The following CELF6 variants were observed in gnomAD, a reference collection of about 807,000 sequenced individuals.
CELF6 encodes Bruno -like 6, RNA binding protein.
A neutral mutation model predicts 53.1 loss-of-function variants in CELF6; 32 were observed. The ratio of observed to expected loss-of-function variants is 0.60; its 90% confidence interval spans 0.46 to 0.81. The LOEUF (loss-of-function observed/expected upper bound fraction) is 0.81. CELF6 is among the 30% of genes least tolerant of loss of function. The probability of loss-of-function intolerance (pLI) is 0.00; values close to 1 mark genes in which losing one functional copy is unlikely to be tolerated. For missense variants in CELF6, 539 were observed against 669.5 expected (o/e 0.81, Z 2.15); for synonymous variants, 291 against 288.8 (o/e 1.01, Z -0.08).
intron 1 of CELF6, among the ~76,000 whole-genome samples, chr15:72,317,783 T>C (rs570257435): frequency 6.6e-6 from 1 of 152,250 alleles, no homozygotes; most frequent in East Asian, 1.9e-4. Flanking sequence ...CCAACCCATA[T>C]CACCTGACGT....
Position 72,319,863 on chromosome 15 carries a change from C to T in CELF6, c.12G>A (p.Ala4=). The change falls in exon 1 of 13, where the codon GCG becomes GCA. Residue 4 remains alanine, a synonymous_variant. Coordinates refer to ENST00000287202, the MANE Select transcript of CELF6 (RefSeq NM_052840.5). This position sits in a 1 kb window ranked among gnomAD's most constrained non-coding sequence, Gnocchi z 5.0. ...CAGCGGGCTGCGCTGACCCTCCCGGCGCCGCGGCCATGTCCCCGCCCTGTC... is the reference window on the plus strand; with the variant it reads ...CAGCGGGCTGCGCTGACCCTCCCGGTGCCGCGGCCATGTCCCCGCCCTGTC... The part of the protein sequence containing the change: MAA[A]PGGSAQPAGP... The T allele has an allele frequency of 6.6e-7, 1 of 1,506,368 alleles. No homozygotes were observed. Among genetic ancestry groups the T allele is most frequent in the South Asian group, 1.3e-5 (1 of 78,068 alleles). 93.3% of individuals were successfully genotyped at this position (1,506,368 alleles called of 1,614,324 possible). A position where few individuals can be genotyped will look rare whatever the true frequency, so the allele number is the denominator to read the frequency against.
chr15:72,316,730 G>A (rs183743498), intron 1 of CELF6, among the ~76,000 whole-genome samples: 26 of 152,314 alleles, frequency 1.7e-4, no homozygotes, highest in Admixed American at 1.2e-3. Flanking sequence ...AGGAAGCACT[G>A]AAGCAGCACT....
intron 3 of CELF6, among the ~76,000 whole-genome samples, chr15:72,290,944 A>T (rs2087997795): frequency 6.6e-6 from 1 of 152,000 alleles, no homozygotes; most frequent in Non-Finnish European, 1.5e-5. Flanking sequence ...CATTTTTCCT[A>T]CTACAGTTGC....
chr15:72,309,550 G>C (rs2088270478), intron 2 of CELF6, among the ~76,000 whole-genome samples: 1 of 152,180 alleles, frequency 6.6e-6, no homozygotes, highest in African/African-American at 2.4e-5. Context: ...GAACCCAAGA[G>C]AGTAAGAACA....
intron 3 of CELF6, among the ~76,000 whole-genome samples, chr15:72,298,228 C>T (rs1462023625): frequency 6.6e-6 from 1 of 152,134 alleles, no homozygotes; most frequent in East Asian, 1.9e-4. Context: ...CTAGAAAGAA[C>T]TTGGAAAAGA....
chr15:72,304,116 C>T (rs2088193439), intron 3 of CELF6, among the ~76,000 whole-genome samples: 1 of 152,094 alleles, frequency 6.6e-6, no homozygotes, highest in Admixed American at 6.5e-5. Context: ...AATGATCCAC[C>T]CACCTCAGCC....
chr15:72,286,419 A>G (rs1228292552), intron 12 of CELF6, 77 bp from the exon 13 acceptor site: 4 of 152,680 alleles, frequency 2.6e-5, no homozygotes, highest in African/African-American at 9.6e-5. Context: ...AGACCAGAAG[A>G]GCAGCTTGCC....
intron 2 of CELF6, among the ~76,000 whole-genome samples, chr15:72,314,192 G>A (rs1049320482): frequency 6.6e-6 from 1 of 152,218 alleles, no homozygotes; most frequent in Non-Finnish European, 1.5e-5. Context: ...AGCTTGATTA[G>A]CTCTTGGCGA....
At position 72,319,788 on chromosome 15, in the gene CELF6, C is replaced by T; in HGVS notation, c.87G>A (p.Met29Ile). 1 of 1,566,982 alleles carries T rather than the reference C, an allele frequency of 6.4e-7. No homozygotes were observed. ...CGGCGGGACCGGGGTTTAGCCCGCT[C>T]ATGCCGACGCCGCTGTCCGCGGTGC... is the stretch of plus-strand genomic sequence containing the variant. Reference protein sequence around the residue: ...GFSTADSGVGMSGLNPGPAVP... With the variant: ...GFSTADSGVGISGLNPGPAVP... The change falls in exon 1 of 13, where the codon ATG becomes ATA. Residue 29 changes from methionine to isoleucine, a missense_variant. This residue lies in a region of CELF6 where 84 missense variants were observed against 87.9 expected (regional missense o/e 0.96). Coordinates refer to ENST00000287202, the MANE Select transcript of CELF6 (RefSeq NM_052840.5). The surrounding 1 kb of genome is among the most constrained non-coding windows in gnomAD (Gnocchi z 5.0).
rs570097414 is a variant in CELF6 at position 72,318,380 on chromosome 15, T to G, written c.262+1233A>C. Among the ~76,000 whole-genome samples the G allele has an allele frequency of 1.2e-4, 19 of 152,332 alleles. No homozygotes were observed. In the South Asian group the frequency reaches 3.9e-3, roughly 32 times the overall value. ...AGCTCTCAGTCCTTAGGAATGTACC[T>G]TTAGCTGTTACCCAAGGCCCACCAC... On this transcript the variant is annotated intron_variant, in intron 1 of 12. Coordinates refer to ENST00000287202, the MANE Select transcript of CELF6 (RefSeq NM_052840.5).
intron 2 of CELF6, chr15:72,313,684 C>G (rs1359994448): frequency 2.5e-5 from 21 of 849,312 alleles, no homozygotes; most frequent in Non-Finnish European, 3.0e-5. Flanking sequence ...TGTGTCTGCA[C>G]CTTTACCATG....
At chr15:72,307,759 C>G (rs893236235) in intron 2 of CELF6, among the ~76,000 whole-genome samples, 1 of 152,176 alleles carries the variant, frequency 6.6e-6, no homozygotes, top group Admixed American at 6.5e-5. Flanking sequence ...ACCAGGGCCT[C>G]GGGGGAGTGC....
In CELF6 at chr15:72,289,792, G is replaced by A. The variant is rs1243226242; in HGVS notation, c.604-22C>T. On this transcript the variant is annotated intron_variant, in intron 5 of 12. Transcript: ENST00000287202. This position sits in a 1 kb window ranked among gnomAD's most constrained non-coding sequence, Gnocchi z 7.6. ...CGCCCTGGGCAGGGCAGGGGAGGCC[G>A]TGGTGACCGGTCCTGACCCTGGCCC... is the stretch of plus-strand genomic sequence containing the variant. The A allele has an allele frequency of 6.9e-7, 1 of 1,450,844 alleles. No homozygotes were observed. Among genetic ancestry groups the A allele is most frequent in the Non-Finnish European group, 9.0e-7 (1 of 1,106,928 alleles). The allele number at this position is 1,450,844 out of a possible 1,614,324, so 89.9% of individuals were successfully genotyped here.
At chr15:72,297,417 A>T (rs1205488858) in intron 3 of CELF6, among the ~76,000 whole-genome samples, 1 of 152,226 alleles carries the variant, frequency 6.6e-6, no homozygotes, top group Non-Finnish European at 1.5e-5. Flanking sequence ...TGTGCCTGGG[A>T]AAACAAGATC....
chr15:72,303,834 A>C (rs1345818937), intron 3 of CELF6, among the ~76,000 whole-genome samples: 2 of 152,036 alleles, frequency 1.3e-5, no homozygotes, highest in African/African-American at 4.8e-5. Context: ...CAGGCTCTCT[A>C]ACCGTCCTAT....
chr15:72,302,952 C>T (rs1334936035), intron 3 of CELF6, among the ~76,000 whole-genome samples: 1 of 152,240 alleles, frequency 6.6e-6, no homozygotes, highest in Non-Finnish European at 1.5e-5. Context: ...AGTGATCACA[C>T]TGAATTGTGT....
At position 72,288,640 on chromosome 15, in the gene CELF6, G is replaced by T; in HGVS notation, c.1094-22C>A. ...GCTGCTGGAGACAGAGGTGGGAGTGGACAGTGATCCCCAGGAGCCCTTCCC... is the reference window on the plus strand; with the variant it reads ...GCTGCTGGAGACAGAGGTGGGAGTGTACAGTGATCCCCAGGAGCCCTTCCC... On this transcript the variant is annotated intron_variant, in intron 9 of 12. Transcript: ENST00000287202. The surrounding 1 kb of genome is among the most constrained non-coding windows in gnomAD (Gnocchi z 4.6). 1 of 1,551,296 alleles carries T rather than the reference G, an allele frequency of 6.4e-7. No individual in the cohort carries two copies. The highest frequency in any genetic ancestry group is 8.7e-7 in the Non-Finnish European group (1 of 1,148,046).
At chr15:72,313,221 TTATTAACTA>T (rs1473527303) in intron 2 of CELF6, among the ~76,000 whole-genome samples, 10 of 152,220 alleles carry the variant, frequency 6.6e-5, no homozygotes, top group Non-Finnish European at 1.5e-4. Flanking sequence ...GATCTTCCCA[TTATTAACTA>T]TATGACCTTG....
rs895344395 is a variant in CELF6 at position 72,320,107 on chromosome 15, G to A, written c.-233C>T. ...GGCCGAGGTGGCGGCTGAACGCTGG[G>A]GTCTGGCTTGAGGTCCCCGTGCGGC... On this transcript the variant is annotated 5_prime_UTR_variant, in exon 1 of 13. Transcript: ENST00000287202. 55 of 651,918 alleles carry A rather than the reference G, an allele frequency of 8.4e-5. No homozygotes were observed. The highest frequency in any genetic ancestry group is 3.5e-4 in the Admixed American group (17 of 48,194). 40.4% of individuals were successfully genotyped at this position (651,918 alleles called of 1,614,324 possible). A position where few individuals can be genotyped will look rare whatever the true frequency, so the allele number is the denominator to read the frequency against.
Sources: allele counts gnomAD v4.1 joint callset (sites outside exome capture counted in the v4.1 genomes callset), GRCh38; gene constraint gnomAD v4.1.1; regional missense constraint gnomAD v4.1.1; non-coding constraint Gnocchi (gnomAD v3.1); transcripts MANE v1.5; gene names NCBI Gene and HGNC (gene_info 2026-07-23, HGNC 2026-07-21).